SLC8A1: variants seen among roughly 807,000 people sequenced by gnomAD.
SLC8A1 encodes sodium/calcium exchanger 1.
In SLC8A1, 18 loss-of-function variants were observed where a neutral mutation model predicts 68.3. The observed-to-expected ratio is 0.26, with a 90% CI of 0.18 to 0.39. The LOEUF is 0.39. SLC8A1 is among the 10% of genes least tolerant of loss of function. The pLI is 1.00. For synonymous variants in SLC8A1, 475 were observed against 415.5 expected (o/e 1.14, Z -1.74); for missense variants, 985 against 1,156.7 (o/e 0.85, Z 2.15).
At chr2:40,324,605 G>C (rs1296511071) in intron 2 of SLC8A1, among the ~76,000 whole-genome samples, 1 of 152,022 alleles carries the variant, frequency 6.6e-6, no homozygotes, top group Non-Finnish European at 1.5e-5. Context: ...CCACAAAGTG[G>C]CAATTTTGTT....
chr2:40,478,670 C>G (rs980700392), intron 1 of SLC8A1, among the ~76,000 whole-genome samples: 5 of 151,888 alleles, frequency 3.3e-5, no homozygotes, highest in African/African-American at 9.7e-5. Flanking sequence ...CTCTCATAGA[C>G]CTAAGTTTTT....
At chr2:40,330,002 A>T (rs2076250849) in intron 2 of SLC8A1, among the ~76,000 whole-genome samples, 1 of 152,258 alleles carries the variant, frequency 6.6e-6, no homozygotes, top group South Asian at 2.1e-4. Flanking sequence ...GCAGGAGCTG[A>T]AACTTCAGAA....
chr2:40,165,082 A>T, intron 4 of SLC8A1, 98 bp from the exon 8 acceptor site: 1 of 1,496,964 alleles, frequency 6.7e-7, no homozygotes, highest in Non-Finnish European at 9.1e-7. Flanking sequence ...AGGAAGCCCT[A>T]ATGACCTACT....
intron 3 of SLC8A1, chr2:40,175,916 G>C (rs1050752318): frequency 2.5e-6 from 1 of 402,340 alleles, no homozygotes; most frequent in Non-Finnish European, 4.9e-6. Context: ...AAGCTTAATA[G>C]TCCCAGGAAT....
chr2:40,421,899 A>G (rs1695607593), intron 2 of SLC8A1, among the ~76,000 whole-genome samples: 1 of 152,190 alleles, frequency 6.6e-6, no homozygotes, highest in Admixed American at 6.5e-5. Context: ...CAGCATGTCG[A>G]GCCAGGAGAG....
intron 7 of SLC8A1, among the ~76,000 whole-genome samples, chr2:40,124,039 T>C (rs550840711): frequency 6.6e-6 from 1 of 152,256 alleles, no homozygotes; most frequent in Admixed American, 6.5e-5. Flanking sequence ...CCATCTCCTA[T>C]CCAAATCTCC....
At chr2:40,465,227 C>G (rs1703594807) in intron 1 of SLC8A1, among the ~76,000 whole-genome samples, 1 of 152,132 alleles carries the variant, frequency 6.6e-6, no homozygotes, top group Non-Finnish European at 1.5e-5. Context: ...ATGTATGGGA[C>G]AGTCTCCTAC....
intron 2 of SLC8A1, among the ~76,000 whole-genome samples, chr2:40,397,095 G>GA (rs990561229): frequency 6.6e-6 from 1 of 152,168 alleles, no homozygotes; most frequent in African/African-American, 2.4e-5. Context: ...TTATTGAACA[G>GA]AAAAAAGGTG....
At chr2:40,348,455 T>C (rs1222870148) in intron 2 of SLC8A1, among the ~76,000 whole-genome samples, 2 of 152,140 alleles carry the variant, frequency 1.3e-5, no homozygotes, top group African/African-American at 4.8e-5. Context: ...CCCATACATC[T>C]AATAAAAAAG....
At chr2:40,152,571 AT>A (rs70957149) in intron 6 of SLC8A1, among the ~76,000 whole-genome samples, 1,574 of 140,028 alleles carry the variant, frequency 0.011, 15 homozygotes, top group African/African-American at 0.023. Flanking sequence ...CGCCTAGCTA[AT>A]TTTTTTTTTT....
At chr2:40,135,813 C>T (rs2040399543) in intron 7 of SLC8A1, among the ~76,000 whole-genome samples, 1 of 152,158 alleles carries the variant, frequency 6.6e-6, no homozygotes, top group African/African-American at 2.4e-5. Context: ...CGGAATATGA[C>T]TTGTTCTCCT....
chr2:40,266,698 T>C (rs2065397745), intron 2 of SLC8A1, among the ~76,000 whole-genome samples: 1 of 152,192 alleles, frequency 6.6e-6, no homozygotes, highest in Non-Finnish European at 1.5e-5. Context: ...CTCATCCTTC[T>C]CCATGGATCA....
chr2:40,299,952 A>G (rs942765371), intron 2 of SLC8A1, among the ~76,000 whole-genome samples: 2 of 152,158 alleles, frequency 1.3e-5, no homozygotes, highest in Non-Finnish European at 2.9e-5. Flanking sequence ...GCATGCATAG[A>G]TATCTCTATC....
chr2:40,306,842 C>A (rs544073064), intron 2 of SLC8A1, among the ~76,000 whole-genome samples: 2 of 152,250 alleles, frequency 1.3e-5, no homozygotes, highest in East Asian at 3.9e-4. Context: ...GAAGGTAATA[C>A]TTTCCACCAA....
intron 2 of SLC8A1, among the ~76,000 whole-genome samples, chr2:40,391,742 C>G (rs996494045): frequency 6.6e-6 from 1 of 151,946 alleles, no homozygotes; most frequent in African/African-American, 2.4e-5. Context: ...TTAGGGGGCA[C>G]TGAAACCAAA....
At chr2:40,362,726 A>G (rs905532290) in intron 2 of SLC8A1, among the ~76,000 whole-genome samples, 4 of 152,162 alleles carry the variant, frequency 2.6e-5, no homozygotes, top group Admixed American at 6.6e-5. Flanking sequence ...CAAATAAAGT[A>G]TAATCTTTCC....
chr2:40,493,700 G>T (rs967831495), intron 1 of SLC8A1, among the ~76,000 whole-genome samples: 16 of 146,262 alleles, frequency 1.1e-4, no homozygotes, highest in Non-Finnish European at 1.5e-5. Context: ...TGTTTCCCAG[G>T]CTGGAGTGCA....
chr2:40,448,538 A>G (rs1305234609), intron 1 of SLC8A1, among the ~76,000 whole-genome samples: 1 of 152,226 alleles, frequency 6.6e-6, no homozygotes, highest in Non-Finnish European at 1.5e-5. Context: ...GGAAACAGCT[A>G]GTACAGAAAT....
At chr2:40,204,724 T>G (rs1214651613) in intron 2 of SLC8A1, among the ~76,000 whole-genome samples, 2 of 151,970 alleles carry the variant, frequency 1.3e-5, no homozygotes, top group Non-Finnish European at 2.9e-5. Context: ...AAGGTGAAAA[T>G]TTAATAATAA....
Sources: allele counts gnomAD v4.1 joint callset (sites outside exome capture counted in the v4.1 genomes callset), GRCh38; gene constraint gnomAD v4.1.1; transcripts MANE v1.5; gene names NCBI Gene and HGNC (gene_info 2026-07-23, HGNC 2026-07-21).